The following UBE2V2 variants were observed in gnomAD, a reference collection of about 807,000 sequenced individuals.
UBE2V2 encodes ubiquitin conjugating enzyme E2 V2, also known as ubiquitin-conjugating enzyme E2 variant 2.
UBE2V2 carries 9 observed loss-of-function variants against 17.2 expected under a neutral mutation model. That is an observed-to-expected ratio of 0.52 (90% confidence interval 0.32 to 0.91). The LOEUF (loss-of-function observed/expected upper bound fraction) is 0.91. Ranked by LOEUF, UBE2V2 falls within the 40% of genes least tolerant of loss-of-function variation. The pLI is 0.04. For missense variants in UBE2V2, 133 were observed against 182.6 expected (o/e 0.73, Z 1.56); for synonymous variants, 61 against 57.5 (o/e 1.06, Z -0.28).
intron 1 of UBE2V2, among the ~76,000 whole-genome samples, chr8:48,031,567 T>C (rs925559774): frequency 8.5e-5 from 13 of 152,348 alleles, no homozygotes; most frequent in African/African-American, 1.2e-4. Context: ...AGAATTGAGA[T>C]ACTTTGCAAA....
the UBE2V2 span, among the ~76,000 whole-genome samples, chr8:47,999,119 G>A: frequency 6.6e-6 from 1 of 152,154 alleles, no homozygotes; most frequent in Admixed American, 6.5e-5. Context: ...GCTTCACCAT[G>A]GCCCTTGATA....
intron 3 of UBE2V2, among the ~76,000 whole-genome samples, chr8:48,051,635 C>T (rs1563859555): frequency 6.6e-6 from 1 of 152,162 alleles, no homozygotes; most frequent in Non-Finnish European, 1.5e-5. Context: ...CTTCCCAGTG[C>T]ATTTACTTAT....
upstream of UBE2V2, among the ~76,000 whole-genome samples, chr8:48,004,730 C>G (rs2091172636): frequency 6.6e-6 from 1 of 151,958 alleles, no homozygotes; most frequent in Non-Finnish European, 1.5e-5. Context: ...AGGGTTTCAC[C>G]ATTTTGGCCA....
intron 2 of UBE2V2, among the ~76,000 whole-genome samples, chr8:48,048,145 C>A (rs2154507883): frequency 6.6e-6 from 1 of 152,228 alleles, no homozygotes; most frequent in East Asian, 1.9e-4. Flanking sequence ...TCCCTTTGCG[C>A]TTTCCCACAC....
intron 1 of UBE2V2, among the ~76,000 whole-genome samples, chr8:48,016,838 G>A (rs1239743526): frequency 6.9e-6 from 1 of 144,756 alleles, no homozygotes; most frequent in Non-Finnish European, 1.5e-5. Context: ...CTAGGCTGGA[G>A]TGCAGTGGCG....
chr8:48,049,060 G>GT lies in UBE2V2; in HGVS notation c.166-791dup, dbSNP rs559116525. 9.4e-4 allele frequency among the ~76,000 whole-genome samples: 143 copies of GT among 152,176 alleles called. 2 individuals carry two copies. Among genetic ancestry groups the GT allele is most frequent in the Non-Finnish European group, 1.4e-3 (92 of 67,992 alleles). On this transcript the variant is annotated intron_variant, in intron 2 of 3. Transcript: ENST00000523111. ...AACAAAAGCCATAGCAGAAAGAAGA[G>GT]TTAATTTATAGGCATGAAAATAAGC...
intron 1 of UBE2V2, among the ~76,000 whole-genome samples, chr8:48,034,128 C>CT (rs895844431): frequency 0.01 from 1,386 of 136,216 alleles, 25 homozygotes; most frequent in Admixed American, 0.015. Context: ...TTTTCTTTTC[C>CT]TTTTTTTTTT....
intron 1 of UBE2V2, chr8:48,008,709 T>C: frequency 4.3e-6 from 1 of 230,674 alleles, no homozygotes; most frequent in Non-Finnish European, 7.2e-6. Context: ...GGGGGCGGGG[T>C]GGCTCCCGCG....
At chr8:48,014,567 C>T (rs998639404) in intron 1 of UBE2V2, among the ~76,000 whole-genome samples, 1 of 150,142 alleles carries the variant, frequency 6.7e-6, no homozygotes, top group Non-Finnish European at 1.5e-5. Flanking sequence ...ATGGTGTGAA[C>T]CTGGGAGTCG....
intron 1 of UBE2V2, among the ~76,000 whole-genome samples, chr8:48,015,964 C>G (rs947293062): frequency 7.1e-6 from 1 of 140,826 alleles, no homozygotes; most frequent in Non-Finnish European, 1.5e-5. Flanking sequence ...GTGGCGCGTT[C>G]TCAGCTCACT....
chr8:48,042,946 G>T, intron 1 of UBE2V2, 87 bp from the exon 2 acceptor site: 1 of 1,282,334 alleles, frequency 7.8e-7, no homozygotes, highest in African/African-American at 1.5e-5. Context: ...AATTTATAAA[G>T]GTTAATTTGG....
chr8:48,023,856 G>T (rs1487594078), intron 1 of UBE2V2, among the ~76,000 whole-genome samples: 1 of 151,920 alleles, frequency 6.6e-6, no homozygotes, highest in African/African-American at 2.4e-5. Flanking sequence ...AGCTTGGGTG[G>T]CAGAATGAGA....
chr8:48,008,676 CG>C, intron 1 of UBE2V2: 1 of 514,742 alleles, frequency 1.9e-6, no homozygotes, highest in Non-Finnish European at 2.7e-6. Context: ...CGTGCTCGCG[CG>C]TCGGCCGCGC....
intron 1 of UBE2V2, among the ~76,000 whole-genome samples, chr8:48,034,128 C>CTTTTTTTTTTTTTTTTT (rs895844431): frequency 7.3e-6 from 1 of 136,312 alleles, no homozygotes; most frequent in Non-Finnish European, 1.5e-5. Context: ...TTTTCTTTTC[C>CTTTTTTTTTTTTTTTTT]TTTTTTTTTT....
At chr8:48,050,525 C>G (rs1206156338) in intron 3 of UBE2V2, 1 of 152,236 alleles carries the variant, frequency 6.6e-6, no homozygotes, top group Non-Finnish European at 1.5e-5. Flanking sequence ...GCCACTGTGC[C>G]TGGCCAAAAG....
At chr8:48,054,450 A>T (rs1585445721) in intron 3 of UBE2V2, among the ~76,000 whole-genome samples, 1 of 152,238 alleles carries the variant, frequency 6.6e-6, no homozygotes, top group Non-Finnish European at 1.5e-5. Context: ...AAATAGAAAA[A>T]TAAATACTGA....
chr8:48,042,994 A>G lies in UBE2V2; in HGVS notation c.17-39A>G, dbSNP rs185093734. 1.6e-5 allele frequency: 23 copies of G among 1,405,510 alleles called. No homozygotes were observed. In the African/African-American group the frequency reaches 3.3e-4, roughly 20 times the overall value. 87.1% of individuals were successfully genotyped at this position (1,405,510 alleles called of 1,614,324 possible). A position where few individuals can be genotyped will look rare whatever the true frequency, so the allele number is the denominator to read the frequency against. On this transcript the variant is annotated intron_variant, in intron 1 of 3. Coordinates refer to ENST00000523111, the MANE Select transcript of UBE2V2 (RefSeq NM_003350.3). ...TTAAATACGTGTAGCTCTTATAATT[A>G]TGAGCTTTTTACATTTACACTGACG... is the stretch of plus-strand genomic sequence containing the variant.
chr8:48,019,755 C>T lies in UBE2V2; in HGVS notation c.16+11285C>T, dbSNP rs527237388. ...ACGTGAACCTGGGAGGTGGAGGCTGCAGTGAGCCGAGATTGCGCCACTGCA... is the reference window on the plus strand; with the variant it reads ...ACGTGAACCTGGGAGGTGGAGGCTGTAGTGAGCCGAGATTGCGCCACTGCA... On this transcript the variant is annotated intron_variant, in intron 1 of 3. Transcript: ENST00000523111. Among the ~76,000 whole-genome samples the T allele has an allele frequency of 2.8e-3, 430 of 152,016 alleles. 14 individuals carry two copies. The South Asian group carries it at 0.074, about 26-fold the overall frequency.
intron 1 of UBE2V2, among the ~76,000 whole-genome samples, chr8:48,035,943 C>T (rs1440342216): frequency 6.8e-6 from 1 of 147,576 alleles, no homozygotes; most frequent in Non-Finnish European, 1.5e-5. Flanking sequence ...TCTCCCCTTG[C>T]CTTTCTTTTT....
Sources: gnomAD v4.1 joint callset for allele counts (sites outside exome capture counted in the v4.1 genomes callset) on GRCh38, gnomAD v4.1.1 for gene constraint, MANE v1.5 for transcripts, NCBI Gene and HGNC (gene_info 2026-07-23, HGNC 2026-07-21) for gene names.